CCDC88A: variants seen among roughly 807,000 people sequenced by gnomAD.
The protein encoded by CCDC88A is girdin.
In CCDC88A, 54 loss-of-function variants were observed where a neutral mutation model predicts 234.3. That is an observed-to-expected ratio of 0.23 (90% confidence interval 0.19 to 0.29). The LOEUF is 0.29. Among genes scored for constraint, CCDC88A ranks in the 10% least tolerant of loss-of-function variants. The pLI is 1.00. For synonymous variants in CCDC88A, 753 were observed against 737.8 expected, an observed-to-expected ratio of 1.02 and a Z score of -0.33; for missense variants, 1,832 against 2,123.4, an observed-to-expected ratio of 0.86 and a Z score of 2.70.
intron 8 of CCDC88A, among the ~76,000 whole-genome samples, chr2:55,352,439 CACAAAAAA>C (rs1465448728): frequency 1.5e-4 from 22 of 145,330 alleles, no homozygotes; most frequent in Middle Eastern, 3.5e-3. Flanking sequence ...AAAAAAAACA[CACAAAAAA>C]ACACAAAAAA....
At chr2:55,365,832 A>T (rs1172346952) in intron 5 of CCDC88A, among the ~76,000 whole-genome samples, 1 of 152,260 alleles carries the variant, frequency 6.6e-6, no homozygotes, top group Non-Finnish European at 1.5e-5. Context: ...GAAGCTGAAT[A>T]ATCAGATCAA....
chr2:55,352,661 G>T (rs371281684), intron 8 of CCDC88A, among the ~76,000 whole-genome samples: 144 of 152,246 alleles, frequency 9.5e-4, no homozygotes, highest in African/African-American at 3.3e-3. Context: ...GAGTTAAAGG[G>T]AGTCTTTGGT....
At chr2:55,303,818 TCA>T (rs1489944862) in intron 25 of CCDC88A, among the ~76,000 whole-genome samples, 2 of 152,332 alleles carry the variant, frequency 1.3e-5, no homozygotes, top group East Asian at 3.9e-4. Flanking sequence ...TACTGGTGGT[TCA>T]CAGAGTCTAC....
chr2:55,366,481 T>G (rs1052039168), intron 5 of CCDC88A, among the ~76,000 whole-genome samples: 1 of 150,510 alleles, frequency 6.6e-6, no homozygotes, highest in Non-Finnish European at 1.5e-5. Context: ...GAGCCAAGAT[T>G]GCGCCACTAC....
chr2:55,362,217 G>T, intron 7 of CCDC88A, 91 bp downstream of exon 7: 1 of 1,009,690 alleles, frequency 9.9e-7, no homozygotes, highest in Non-Finnish European at 1.4e-6. Flanking sequence ...CTGTCTCTAA[G>T]AAATAGTATC....
chr2:55,312,439 C>G lies in CCDC88A; in HGVS notation c.4074G>C (p.Gln1358His). ...SKDLFHVEQR[Q>H]YIDKLNELRR... is the part of the protein sequence containing the mutation. ...CAAAATTATTTGGTACCTACATGTA[C>G]TGTCTTTGTTCAACATGAAAAAGAT... The change falls in exon 23 of 33, where the codon CAG (glutamine) becomes CAC (histidine). Residue 1358 changes from glutamine to histidine, a missense_variant. Coordinates refer to ENST00000436346, the MANE Select transcript of CCDC88A (RefSeq NM_001365480.1). 6.2e-7 allele frequency: 1 copy of G among 1,611,280 alleles called. No individual in the cohort carries two copies. The highest frequency in any genetic ancestry group is 8.5e-7 in the Non-Finnish European group (1 of 1,178,658).
At chr2:55,373,306 C>T (rs1023255233) in intron 4 of CCDC88A, among the ~76,000 whole-genome samples, 2 of 152,200 alleles carry the variant, frequency 1.3e-5, no homozygotes, top group South Asian at 4.2e-4. Flanking sequence ...TGCATATATA[C>T]AACTCCTCTG....
At chr2:55,303,823 G>C (rs1200718283) in intron 25 of CCDC88A, among the ~76,000 whole-genome samples, 7 of 152,160 alleles carry the variant, frequency 4.6e-5, no homozygotes, top group Admixed American at 2.0e-4. Context: ...GTGGTTCACA[G>C]AGTCTACATG....
At chr2:55,407,356 G>C (rs552935887) in intron 2 of CCDC88A, among the ~76,000 whole-genome samples, 1 of 152,012 alleles carries the variant, frequency 6.6e-6, no homozygotes, top group Non-Finnish European at 1.5e-5. Context: ...TGTAATCCCA[G>C]CACTTTGGGA....
chr2:55,346,295 C>T lies in CCDC88A; in HGVS notation c.921G>A (p.Met307Ile). The T allele has an allele frequency of 1.9e-6, 3 of 1,606,534 alleles. No homozygotes were observed. Among genetic ancestry groups the T allele is most frequent in the Non-Finnish European group, 2.6e-6 (3 of 1,175,534 alleles). ...NLLSDARSAR[M>I]YRDELDALRE... is the part of the protein sequence containing the mutation. Reference sequence around the variant, plus strand: ...GAAGTGCATCTAATTCATCTCGGTACATTCTGGCAGAGCGAGCATCCGAAA... The same window carrying T: ...GAAGTGCATCTAATTCATCTCGGTATATTCTGGCAGAGCGAGCATCCGAAA... Residue 307 changes from methionine to isoleucine, a missense_variant, in exon 10 of 33, where the codon ATG becomes ATA. Transcript: ENST00000436346.
intron 9 of CCDC88A, among the ~76,000 whole-genome samples, chr2:55,347,278 G>A (rs1323795472): frequency 6.6e-6 from 1 of 152,128 alleles, no homozygotes; most frequent in Non-Finnish European, 1.5e-5. Flanking sequence ...TTCTTAAAGT[G>A]TAATCCAGGG....
intron 7 of CCDC88A, among the ~76,000 whole-genome samples, chr2:55,361,693 C>T (rs1671344758): frequency 6.6e-6 from 1 of 152,154 alleles, no homozygotes; most frequent in Non-Finnish European, 1.5e-5. Context: ...ATATTACCCA[C>T]CACCACACGC....
chr2:55,305,221 T>A (rs896691850), intron 25 of CCDC88A, among the ~76,000 whole-genome samples: 1 of 152,258 alleles, frequency 6.6e-6, no homozygotes, highest in Non-Finnish European at 1.5e-5. Context: ...TACTGACAGA[T>A]ACTCTTCCAA....
intron 23 of CCDC88A, 44 bp downstream of exon 23, chr2:55,312,390 T>A (rs745909186): frequency 1.5e-5 from 23 of 1,567,816 alleles, no homozygotes; most frequent in Non-Finnish European, 1.9e-5. Flanking sequence ...AATGATAAAA[T>A]CATGAGTAAC....
chr2:55,378,010 A>C (rs1256668183), intron 3 of CCDC88A, among the ~76,000 whole-genome samples: 1 of 152,226 alleles, frequency 6.6e-6, no homozygotes, highest in Admixed American at 6.5e-5. Flanking sequence ...CTAACGAGTC[A>C]AAATTGATGG....
chr2:55,360,343 T>C (rs775596597), intron 7 of CCDC88A, among the ~76,000 whole-genome samples: 3 of 152,234 alleles, frequency 2.0e-5, no homozygotes, highest in Non-Finnish European at 4.4e-5. Flanking sequence ...TTCAATCTAA[T>C]TGAATGACAT....
Position 55,332,791 on chromosome 2 carries a change from T to C in CCDC88A, c.2728-98A>G, listed in dbSNP as rs1287302807. 4.9e-6 allele frequency: 5 copies of C among 1,021,470 alleles called. No homozygotes were observed. The African/African-American group carries it at 6.4e-5, about 13-fold the overall frequency. 63.3% of individuals were successfully genotyped at this position (1,021,470 alleles called of 1,614,324 possible). A position where few individuals can be genotyped will look rare whatever the true frequency, so the allele number is the denominator to read the frequency against. On this transcript the variant is annotated intron_variant, in intron 15 of 32. Transcript: ENST00000436346. The surrounding 1 kb of genome is among the most constrained non-coding windows in gnomAD (Gnocchi z 4.5). ...CTAATTACCACCATCTAGGAATACA[T>C]GTAATTTGAACCAGGAAATGTCATT...
At chr2:55,304,815 G>T (rs1466883998) in intron 25 of CCDC88A, among the ~76,000 whole-genome samples, 1 of 152,034 alleles carries the variant, frequency 6.6e-6, no homozygotes, top group Non-Finnish European at 1.5e-5. Context: ...TGTAATTTAG[G>T]AATTAGGAAA....
At position 55,308,867 on chromosome 2, in the gene CCDC88A, A is replaced by G; in HGVS notation, c.4329T>C (p.Ser1443=). 1 of 1,614,160 alleles carries G rather than the reference A, an allele frequency of 6.2e-7. No individual in the cohort carries two copies. The highest frequency in any genetic ancestry group is 1.3e-5 in the African/African-American group (1 of 75,056). Residue 1443 remains serine, a synonymous_variant, in exon 25 of 33, where the codon TCT becomes TCC. Coordinates refer to ENST00000436346, the MANE Select transcript of CCDC88A (RefSeq NM_001365480.1). ...QLPHQDSQDS[S]SVGSNSLEDG... is the part of the protein sequence containing the mutation. Reference sequence around the variant, plus strand: ...CTTCTAAAGAGTTTGAACCTACTGAAGAACTATCTTGACTGTCTTGATGAG... The same window carrying G: ...CTTCTAAAGAGTTTGAACCTACTGAGGAACTATCTTGACTGTCTTGATGAG...
Sources: allele counts gnomAD v4.1 joint callset (sites outside exome capture counted in the v4.1 genomes callset), GRCh38; gene constraint gnomAD v4.1.1; non-coding constraint Gnocchi (gnomAD v3.1); transcripts MANE v1.5; gene names NCBI Gene and HGNC (gene_info 2026-07-23, HGNC 2026-07-21).